The following RIMS1 variants were observed in gnomAD, a reference collection of about 807,000 sequenced individuals.
RIMS1 encodes the protein regulating synaptic membrane exocytosis 1.
In RIMS1, 83 loss-of-function variants were observed where a neutral mutation model predicts 214.1. That is an observed-to-expected ratio of 0.39 (90% CI 0.32 to 0.47). RIMS1 has a LOEUF of 0.47. RIMS1 is among the 20% of genes least tolerant of loss of function. The probability of loss-of-function intolerance (pLI) is 0.99; values close to 1 mark genes in which losing one functional copy is unlikely to be tolerated. For synonymous variants in RIMS1, 793 were observed against 786.8 expected (o/e 1.01, Z -0.13); for missense variants, 2,050 against 2,161.8 (o/e 0.95, Z 1.03).
At chr6:72,331,720 C>T (rs1464846256) in intron 28 of RIMS1, among the ~76,000 whole-genome samples, 1 of 151,834 alleles carries the variant, frequency 6.6e-6, no homozygotes, top group Non-Finnish European at 1.5e-5. Context: ...TAATAATACT[C>T]TCATTTGTGT....
At chr6:72,096,588 G>A (rs891836822) in intron 2 of RIMS1, among the ~76,000 whole-genome samples, 3 of 152,176 alleles carry the variant, frequency 2.0e-5, no homozygotes, top group Non-Finnish European at 1.5e-5. Context: ...TTTTGTTTCA[G>A]TTATATGCAC....
intron 6 of RIMS1, chr6:72,213,345 A>G (rs1005341784): frequency 5.9e-5 from 52 of 875,212 alleles, no homozygotes; most frequent in South Asian, 1.3e-4. Flanking sequence ...TGTCAGGTGC[A>G]CAGTGTTCTT....
At chr6:72,206,790 G>T (rs1273948299) in intron 6 of RIMS1, among the ~76,000 whole-genome samples, 1 of 152,168 alleles carries the variant, frequency 6.6e-6, no homozygotes, top group Middle Eastern at 3.2e-3. Context: ...TTTAGGCCTG[G>T]ACTGACTTCT....
chr6:72,061,139 T>C (rs897334564), intron 2 of RIMS1, among the ~76,000 whole-genome samples: 16 of 152,312 alleles, frequency 1.1e-4, no homozygotes, highest in Middle Eastern at 3.4e-3. Context: ...ATCTTTTTTT[T>C]CCATAATTAC....
At chr6:71,920,666 T>C (rs916627382) in intron 1 of RIMS1, among the ~76,000 whole-genome samples, 1 of 152,200 alleles carries the variant, frequency 6.6e-6, no homozygotes, top group Admixed American at 6.5e-5. Flanking sequence ...TAAATAACAC[T>C]ATCAATAAAT....
In RIMS1 at chr6:72,177,653, A is replaced by T. The variant is rs903107404; in HGVS notation, c.472-1922A>T. ...TTTGATGTAAAATAGTCAAAATTTCATACCAGTCTTGTTGAATTACATGAT... is the reference window on the plus strand; with the variant it reads ...TTTGATGTAAAATAGTCAAAATTTCTTACCAGTCTTGTTGAATTACATGAT... On this transcript the variant is annotated intron_variant, in intron 4 of 33. Coordinates refer to ENST00000521978, the MANE Select transcript of RIMS1 (RefSeq NM_014989.7). Among the ~76,000 whole-genome samples the T allele has an allele frequency of 2.0e-5, 3 of 152,348 alleles. No homozygotes were observed. The South Asian group carries it at 6.2e-4, about 32-fold the overall frequency.
chr6:72,265,519 AGT>A lies in RIMS1; in HGVS notation c.3308+18_3308+19del. ...TACTGGTTAGGTAAGAACATTTGGA[AGT>A]GATATCTTCCGTTTCCCTTGTTTAT... On this transcript the variant is annotated intron_variant, in intron 21 of 33. Transcript: ENST00000521978. The A allele has an allele frequency of 7.1e-7, 1 of 1,401,096 alleles. No individual in the cohort carries two copies. The highest frequency in any genetic ancestry group is 1.0e-6 in the Non-Finnish European group (1 of 992,584). The allele number at this position is 1,401,096 out of a possible 1,614,324, so 86.8% of individuals were successfully genotyped here.
intron 22 of RIMS1, 48 bp downstream of exon 22, chr6:72,266,097 T>C (rs2080402536): frequency 7.5e-7 from 1 of 1,327,202 alleles, no homozygotes; most frequent in Non-Finnish European, 1.1e-6. Context: ...TACTAGTGAT[T>C]TTTTTCAGTC....
chr6:72,114,820 T>G (rs2153823467), intron 4 of RIMS1, among the ~76,000 whole-genome samples: 1 of 152,052 alleles, frequency 6.6e-6, no homozygotes, highest in African/African-American at 2.4e-5. Context: ...TTAGCTATTG[T>G]TGTGGAGCTG....
At chr6:72,281,184 G>A (rs1276793424) in intron 23 of RIMS1, among the ~76,000 whole-genome samples, 3 of 152,020 alleles carry the variant, frequency 2.0e-5, no homozygotes, top group Admixed American at 6.6e-5. Context: ...CCATGTAAGC[G>A]AGAACAAAGT....
chr6:72,241,002 G>GT (rs1303525172), intron 9 of RIMS1, among the ~76,000 whole-genome samples: 2 of 152,076 alleles, frequency 1.3e-5, no homozygotes, highest in African/African-American at 4.8e-5. Flanking sequence ...GGCAACAGGA[G>GT]TGAAACTCCA....
intron 22 of RIMS1, among the ~76,000 whole-genome samples, chr6:72,273,038 A>G (rs2084252244): frequency 6.6e-6 from 1 of 152,154 alleles, no homozygotes; most frequent in Non-Finnish European, 1.5e-5. Context: ...TCTTCTGCTC[A>G]AAATCTGCTA....
chr6:71,966,119 A>G (rs187911152), intron 1 of RIMS1, among the ~76,000 whole-genome samples: 18 of 152,358 alleles, frequency 1.2e-4, no homozygotes, highest in Non-Finnish European at 2.4e-4. Context: ...ACAAGCAAAC[A>G]AAAATCTTGT....
intron 4 of RIMS1, among the ~76,000 whole-genome samples, chr6:72,166,577 T>A (rs2046294432): frequency 6.6e-6 from 1 of 152,180 alleles, no homozygotes; most frequent in South Asian, 2.1e-4. Context: ...ACTGTATTTT[T>A]AAAAATTATC....
chr6:72,107,890 C>T (rs1313094003), intron 4 of RIMS1, among the ~76,000 whole-genome samples: 1 of 152,186 alleles, frequency 6.6e-6, no homozygotes, highest in Non-Finnish European at 1.5e-5. Flanking sequence ...CTTTCTCAAA[C>T]ACTAGATTGA....
intron 2 of RIMS1, among the ~76,000 whole-genome samples, chr6:71,994,370 C>T (rs961742864): frequency 1.3e-5 from 2 of 151,994 alleles, no homozygotes; most frequent in Non-Finnish European, 2.9e-5. Context: ...AGCTGTTGTT[C>T]AAATAATGGC....
chr6:72,316,925 G>A, intron 28 of RIMS1: 2 of 717,932 alleles, frequency 2.8e-6, no homozygotes, highest in South Asian at 1.4e-5. Context: ...GAACTGAGGT[G>A]TCCTGCAGTA....
At chr6:72,213,540 TA>T (rs1001192205) in intron 6 of RIMS1, among the ~76,000 whole-genome samples, 6 of 151,058 alleles carry the variant, frequency 4.0e-5, no homozygotes, top group East Asian at 1.9e-4. Context: ...TGAAAATAAT[TA>T]AAAAAAAATA....
intron 2 of RIMS1, among the ~76,000 whole-genome samples, chr6:71,994,496 G>A (rs1471250448): frequency 2.0e-5 from 3 of 152,108 alleles, no homozygotes; most frequent in Non-Finnish European, 2.9e-5. Context: ...CATTTTAAGA[G>A]CACTCTTTAG....
Sources: gnomAD v4.1 joint callset for allele counts (sites outside exome capture counted in the v4.1 genomes callset) on GRCh38, gnomAD v4.1.1 for gene constraint, MANE v1.5 for transcripts, NCBI Gene and HGNC (gene_info 2026-07-23, HGNC 2026-07-21) for gene names.